The following AUH variants were observed in gnomAD, a reference collection of about 807,000 sequenced individuals.
The protein encoded by AUH is AU RNA binding methylglutaconyl-CoA hydratase.
A neutral mutation model predicts 42.3 loss-of-function variants in AUH; 29 were observed. The observed-to-expected ratio is 0.69, with a 90% CI of 0.51 to 0.93. The LOEUF is 0.93. Ranked by LOEUF, AUH falls within the 40% of genes least tolerant of loss-of-function variation. AUH has a pLI of 0.00. For synonymous variants in AUH, 174 were observed against 166.4 expected, an observed-to-expected ratio of 1.05 and a Z score of -0.35; for missense variants, 452 against 438.1, an observed-to-expected ratio of 1.03 and a Z score of -0.28.
intron 5 of AUH, among the ~76,000 whole-genome samples, chr9:91,296,609 C>T (rs1377541912): frequency 1.3e-5 from 2 of 152,186 alleles, no homozygotes; most frequent in African/African-American, 2.4e-5. Context: ...TACTTTAAAA[C>T]ATCTTAATAA....
At chr9:91,237,315 G>A (rs1377129641) in intron 6 of AUH, among the ~76,000 whole-genome samples, 1 of 152,192 alleles carries the variant, frequency 6.6e-6, no homozygotes, top group East Asian at 1.9e-4. Flanking sequence ...GCAGGAGTGA[G>A]AACTGTTCAC....
rs79468096 is a variant in AUH, at chr9:91,285,457, T to TA, written c.655+10563dup. On this transcript the variant is annotated intron_variant, in intron 6 of 9. Coordinates refer to ENST00000375731, the MANE Select transcript of AUH (RefSeq NM_001698.3). ...ACATGTACCCTAGAACTTAAAGTAT[T>TA]AAAAAAAAAAAATCTTGGTGATGGC... Among the ~76,000 whole-genome samples the TA allele has an allele frequency of 4.3e-3, 627 of 145,894 alleles. 2 individuals are homozygous for TA. The highest frequency in any genetic ancestry group is 0.014 in the African/African-American group (557 of 40,066).
intron 3 of AUH, among the ~76,000 whole-genome samples, chr9:91,355,666 T>C (rs1299691763): frequency 6.6e-6 from 1 of 152,010 alleles, no homozygotes; most frequent in African/African-American, 2.4e-5. Context: ...GGCTCAAAGA[T>C]TTTTTTTCAA....
intron 6 of AUH, among the ~76,000 whole-genome samples, chr9:91,235,437 A>G (rs971800927): frequency 1.8e-4 from 28 of 152,206 alleles, no homozygotes; most frequent in African/African-American, 6.0e-4. Flanking sequence ...AACACTGACA[A>G]GAATGGAGGA....
intron 6 of AUH, among the ~76,000 whole-genome samples, chr9:91,289,168 T>A (rs1359766677): frequency 6.6e-6 from 1 of 152,238 alleles, no homozygotes; most frequent in Non-Finnish European, 1.5e-5. Context: ...CTGGCCAGTA[T>A]GAAATCATGG....
chr9:91,335,073 C>T (rs918542606), intron 3 of AUH, among the ~76,000 whole-genome samples: 1 of 152,156 alleles, frequency 6.6e-6, no homozygotes, highest in Non-Finnish European at 1.5e-5. Flanking sequence ...CAGGGGTACC[C>T]TAGCTTCATA....
intron 6 of AUH, chr9:91,294,654 G>C: frequency 2.2e-6 from 1 of 454,590 alleles, no homozygotes; most frequent in Non-Finnish European, 4.4e-6. Flanking sequence ...TTCTGGAAAG[G>C]ATCTGCCATT....
intron 6 of AUH, among the ~76,000 whole-genome samples, chr9:91,227,904 C>T (rs1827614309): frequency 6.6e-6 from 1 of 151,692 alleles, no homozygotes; most frequent in Admixed American, 6.6e-5. Context: ...GGATGAAGCC[C>T]ACTTGATCAT....
chr9:91,339,814 T>A (rs1280934932), intron 3 of AUH, among the ~76,000 whole-genome samples: 5 of 152,150 alleles, frequency 3.3e-5, no homozygotes, highest in Non-Finnish European at 5.9e-5. Flanking sequence ...GACTACCATC[T>A]GGGATCCTGT....
intron 6 of AUH, among the ~76,000 whole-genome samples, chr9:91,293,852 T>C (rs919653084): frequency 6.6e-6 from 1 of 152,226 alleles, no homozygotes; most frequent in African/African-American, 2.4e-5. Context: ...AGTCAATGCC[T>C]GGCTTCAAAG....
At chr9:91,260,097 T>C (rs1483611011) in intron 6 of AUH, among the ~76,000 whole-genome samples, 1 of 152,174 alleles carries the variant, frequency 6.6e-6, no homozygotes, top group Non-Finnish European at 1.5e-5. Context: ...CTTCTTTATC[T>C]TAGGTAATAT....
chr9:91,313,965 A>G (rs1828936247), intron 4 of AUH, among the ~76,000 whole-genome samples: 1 of 151,608 alleles, frequency 6.6e-6, no homozygotes, highest in Non-Finnish European at 1.5e-5. Flanking sequence ...CTGGGATTAC[A>G]GGCACGTGCC....
intron 4 of AUH, among the ~76,000 whole-genome samples, chr9:91,310,765 AAGAT>A (rs1034688128): frequency 9.2e-5 from 14 of 152,250 alleles, no homozygotes; most frequent in African/African-American, 3.1e-4. Context: ...AGATGACAGA[AAGAT>A]AGATCATGTG....
At chr9:91,245,218 C>T (rs1461129254) in intron 6 of AUH, among the ~76,000 whole-genome samples, 1 of 152,120 alleles carries the variant, frequency 6.6e-6, no homozygotes, top group Non-Finnish European at 1.5e-5. Context: ...ACTGGAACCA[C>T]GGCCCACCCC....
At chr9:91,315,902 C>T (rs1829121007) in intron 4 of AUH, among the ~76,000 whole-genome samples, 1 of 152,058 alleles carries the variant, frequency 6.6e-6, no homozygotes, top group African/African-American at 2.4e-5. Flanking sequence ...CTTACACATC[C>T]CTAAACACAA....
intron 6 of AUH, among the ~76,000 whole-genome samples, chr9:91,243,998 C>T (rs985656521): frequency 3.3e-5 from 5 of 152,152 alleles, no homozygotes; most frequent in African/African-American, 1.2e-4. Flanking sequence ...GAAACTCTAA[C>T]TTACTGGAAA....
At chr9:91,351,697 G>A (rs1209959645) in intron 3 of AUH, among the ~76,000 whole-genome samples, 3 of 152,154 alleles carry the variant, frequency 2.0e-5, no homozygotes, top group Non-Finnish European at 2.9e-5. Flanking sequence ...ATCAGCAGCC[G>A]CATTAGATTC....
intron 6 of AUH, among the ~76,000 whole-genome samples, chr9:91,287,422 C>T (rs1826505430): frequency 6.6e-6 from 1 of 152,216 alleles, no homozygotes; most frequent in South Asian, 2.1e-4. Context: ...AGAAAAAGGA[C>T]ACTTGTGAGA....
chr9:91,273,055 A>C (rs1244494389), intron 6 of AUH, among the ~76,000 whole-genome samples: 2 of 152,210 alleles, frequency 1.3e-5, no homozygotes, highest in East Asian at 3.8e-4. Flanking sequence ...AATTTGCTGA[A>C]AGGTTTTTGG....
Sources: allele counts gnomAD v4.1 joint callset (sites outside exome capture counted in the v4.1 genomes callset), GRCh38; gene constraint gnomAD v4.1.1; transcripts MANE v1.5; gene names NCBI Gene and HGNC (gene_info 2026-07-23, HGNC 2026-07-21).